Variants in ZNF354A observed in about 807,000 individuals in gnomAD.
ZNF354A encodes zinc finger protein 354A, also known as epididymis luminal protein 104.
In ZNF354A, 25 loss-of-function variants were observed where a neutral mutation model predicts 53.3. The observed-to-expected ratio is 0.47, with a 90% CI of 0.34 to 0.66. The LOEUF is 0.66. Among genes scored for constraint, ZNF354A ranks in the 30% least tolerant of loss-of-function variants. The pLI is 0.01. For missense variants in ZNF354A, 586 were observed against 716.8 expected (o/e 0.82, Z 2.08); for synonymous variants, 228 against 249.0 (o/e 0.92, Z 0.79).
Position 178,711,993 on chromosome 5 carries a change from A to C in ZNF354A, c.*67T>G. ...TTTTCACATCCATTACATTTATTAC[A>C]TCTCTCTCAAGGATGTATTCTTCGA... On this transcript the variant is annotated 3_prime_UTR_variant, in exon 5 of 5. Transcript: ENST00000335815. 1 of 1,503,144 alleles carries C rather than the reference A, an allele frequency of 6.7e-7. No individual in the cohort carries two copies. The highest frequency in any genetic ancestry group is 2.3e-5 in the East Asian group (1 of 43,974). The allele number at this position is 1,503,144 out of a possible 1,614,324, so 93.1% of individuals were successfully genotyped here. A position where few individuals can be genotyped will look rare whatever the true frequency, so the allele number is the denominator to read the frequency against.
chr5:178,712,117 G>A lies in ZNF354A; in HGVS notation c.1761C>T (p.Phe587=), dbSNP rs1765629938. Residue 587 remains phenylalanine (F), a synonymous_variant, in exon 5 of 5, where the codon TTC becomes TTT. Coordinates refer to ENST00000335815, the MANE Select transcript of ZNF354A (RefSeq NM_005649.3). ...GATTAGTAAGGGATGACCTATGGTT[G>A]AAAAGTTTCCCACATGTATTACATT... ...PYECNTCGKL[F]NHRSSLTNHY... is the part of the protein sequence containing the mutation. 2 of 1,613,014 alleles carry A rather than the reference G, an allele frequency of 1.2e-6. No homozygotes were observed. Among genetic ancestry groups the A allele is most frequent in the East Asian group, 2.2e-5 (1 of 44,854 alleles).
At chr5:178,725,872 G>A (rs1242687153) in intron 3 of ZNF354A, among the ~76,000 whole-genome samples, 1 of 151,964 alleles carries the variant, frequency 6.6e-6, no homozygotes, top group Non-Finnish European at 1.5e-5. Flanking sequence ...TTTCTGAGGA[G>A]GAGTCTCGCT....
chr5:178,717,219 A>G (rs1183365684), intron 4 of ZNF354A, among the ~76,000 whole-genome samples: 1 of 152,048 alleles, frequency 6.6e-6, no homozygotes, highest in East Asian at 1.9e-4. Flanking sequence ...TTATGTGTTC[A>G]TTTGAGTTGG....
intron 4 of ZNF354A, among the ~76,000 whole-genome samples, chr5:178,722,652 G>A (rs538214507): frequency 6.6e-5 from 10 of 152,212 alleles, no homozygotes; most frequent in East Asian, 1.9e-4. Flanking sequence ...CAAGTCACTC[G>A]TGCATTCATT....
At chr5:178,718,610 C>T (rs1005016718) in intron 4 of ZNF354A, among the ~76,000 whole-genome samples, 19 of 152,224 alleles carry the variant, frequency 1.2e-4, no homozygotes, top group African/African-American at 4.3e-4. Flanking sequence ...CAGAGCATTC[C>T]TTTTCAAACC....
chr5:178,722,276 T>A (rs1205068724), intron 4 of ZNF354A, among the ~76,000 whole-genome samples: 3 of 152,196 alleles, frequency 2.0e-5, no homozygotes, highest in Non-Finnish European at 4.4e-5. Context: ...CTCCCAAATT[T>A]ACATTTCAAG....
chr5:178,711,990 T>G lies in ZNF354A; in HGVS notation c.*70A>C. Reference sequence around the variant, plus strand: ...TTTTTTTCACATCCATTACATTTATTACATCTCTCTCAAGGATGTATTCTT... The same window carrying G: ...TTTTTTTCACATCCATTACATTTATGACATCTCTCTCAAGGATGTATTCTT... On this transcript the variant is annotated 3_prime_UTR_variant, in exon 5 of 5. Coordinates refer to ENST00000335815, the MANE Select transcript of ZNF354A (RefSeq NM_005649.3). The G allele has an allele frequency of 6.7e-7, 1 of 1,499,104 alleles. No homozygotes were observed. Among genetic ancestry groups the G allele is most frequent in the Non-Finnish European group, 8.9e-7 (1 of 1,124,030 alleles). 92.9% of individuals were successfully genotyped at this position (1,499,104 alleles called of 1,614,324 possible).
At chr5:178,717,709 T>G (rs373188573) in intron 4 of ZNF354A, among the ~76,000 whole-genome samples, 27 of 152,050 alleles carry the variant, frequency 1.8e-4, no homozygotes, top group East Asian at 5.8e-4. Flanking sequence ...TGGGTTTGAT[T>G]TAAAGCTGAA....
chr5:178,726,316 C>CTTTT, intron 3 of ZNF354A: 4 of 342,036 alleles, frequency 1.2e-5, no homozygotes, highest in Non-Finnish European at 2.4e-5. Context: ...TACTACGTGG[C>CTTTT]TTTTTTTTTT....
chr5:178,719,158 C>T (rs1933693762), intron 4 of ZNF354A, among the ~76,000 whole-genome samples: 1 of 148,202 alleles, frequency 6.7e-6, no homozygotes, highest in Non-Finnish European at 1.5e-5. Flanking sequence ...ATTGGTCACG[C>T]CTTACTTTAT....
intron 1 of ZNF354A, chr5:178,729,373 AC>A (rs1765980995): frequency 3.0e-6 from 1 of 337,878 alleles, no homozygotes; most frequent in South Asian, 2.5e-5. Flanking sequence ...CACTGCCAGC[AC>A]CCACTGCACC....
chr5:178,721,768 C>T (rs776388496), intron 4 of ZNF354A, among the ~76,000 whole-genome samples: 8 of 152,136 alleles, frequency 5.3e-5, no homozygotes, highest in Admixed American at 2.0e-4. Flanking sequence ...CTCCCATACT[C>T]GACTCCCCCT....
At chr5:178,727,711 T>C (rs1456685062) in intron 2 of ZNF354A, among the ~76,000 whole-genome samples, 2 of 152,220 alleles carry the variant, frequency 1.3e-5, no homozygotes, top group Non-Finnish European at 2.9e-5. Flanking sequence ...ATAATCTTTA[T>C]TTAACATTCA....
intron 4 of ZNF354A, 31 bp from the exon 5 acceptor site, chr5:178,713,652 C>G (rs748768766): frequency 5.9e-6 from 9 of 1,512,810 alleles, no homozygotes; most frequent in Non-Finnish European, 7.9e-6. Context: ...AAAAATGTTT[C>G]ATGTGATATC....
intron 4 of ZNF354A, among the ~76,000 whole-genome samples, chr5:178,723,341 C>T (rs1161543463): frequency 4.6e-5 from 7 of 152,280 alleles, no homozygotes; most frequent in Middle Eastern, 3.4e-3. Flanking sequence ...TCCACATGGG[C>T]TGGCGGCTGC....
intron 4 of ZNF354A, among the ~76,000 whole-genome samples, chr5:178,716,682 G>A (rs912097532): frequency 2.0e-5 from 3 of 152,166 alleles, no homozygotes; most frequent in African/African-American, 7.2e-5. Flanking sequence ...AGAGCTCCCT[G>A]GGCAAAGGAA....
chr5:178,728,476 CAAAT>C (rs1479394852), intron 2 of ZNF354A, among the ~76,000 whole-genome samples: 2 of 152,000 alleles, frequency 1.3e-5, no homozygotes, highest in Non-Finnish European at 2.9e-5. Context: ...CACACACACA[CAAAT>C]AAATGTGTAC....
rs1227966193 is a variant in ZNF354A, at chr5:178,727,062, G to C, written c.97C>G (p.Pro33Ala). Reference protein sequence around the residue: ...FTRDEWRKLAPSQRNLYRDVM... With the variant: ...FTRDEWRKLAASQRNLYRDVM... ...TCCCGGTACAAGTTTCTCTGAGAAG[G>C]GGCCAGCTTTCTCCACTCATCTCGG... Residue 33 changes from proline to alanine, a missense_variant, in exon 3 of 5, where the codon CCT becomes GCT. Physicochemically the swap from Pro to Ala is conservative, Grantham distance 27. This residue lies in a region of ZNF354A where 573 missense variants were observed against 680.1 expected (regional missense o/e 0.84). Transcript: ENST00000335815. 6.2e-7 allele frequency: 1 copy of C among 1,613,994 alleles called. No homozygotes were observed.
chr5:178,721,757 T>C (rs1765817261), intron 4 of ZNF354A, among the ~76,000 whole-genome samples: 2 of 152,208 alleles, frequency 1.3e-5, no homozygotes, highest in South Asian at 2.1e-4. Flanking sequence ...AAGCAAGATA[T>C]CTCCCATACT....
Sources: gnomAD v4.1 joint callset for allele counts (sites outside exome capture counted in the v4.1 genomes callset) on GRCh38, gnomAD v4.1.1 for gene constraint, gnomAD v4.1.1 regional missense constraint, MANE v1.5 for transcripts, NCBI Gene and HGNC (gene_info 2026-07-23, HGNC 2026-07-21) for gene names.